GADL1: variants seen among roughly 807,000 people sequenced by gnomAD.
GADL1 encodes acidic amino acid decarboxylase GADL1.
GADL1 carries 71 observed loss-of-function variants against 69.5 expected under a neutral mutation model. That is an observed-to-expected ratio of 1.02 (90% CI 0.84 to 1.25). The LOEUF (loss-of-function observed/expected upper bound fraction) is 1.25. GADL1 is among the 50% of genes most tolerant of loss of function. The probability of loss-of-function intolerance (pLI) is 0.00; values close to 1 mark genes in which losing one functional copy is unlikely to be tolerated. For missense variants in GADL1, 737 were observed against 631.8 expected, an observed-to-expected ratio of 1.17 and a Z score of -1.79; for synonymous variants, 254 against 214.4, an observed-to-expected ratio of 1.18 and a Z score of -1.62.
intron 14 of GADL1, among the ~76,000 whole-genome samples, chr3:30,762,724 A>G (rs925241924): frequency 6.6e-6 from 1 of 152,104 alleles, no homozygotes; most frequent in African/African-American, 2.4e-5. Flanking sequence ...TTTTGGATCC[A>G]TTAACCATGC....
Position 30,833,899 on chromosome 3 carries a change from A to G in GADL1, c.1004T>C (p.Leu335Pro), listed in dbSNP as rs747604382. Residue 335 changes from leucine to proline, a missense_variant, in exon 11 of 15, where the codon CTG becomes CCG. Physicochemically the swap from Leu to Pro is moderately conservative, Grantham distance 98. Coordinates refer to ENST00000282538, the MANE Select transcript of GADL1 (RefSeq NM_207359.3). ...AGCACAGCACTGGATCCCAGCCATC[A>G]GCATCTTGTGTGGGTTCCAGGCCAC... ...DSVAWNPHKMLMAGIQCCALL... is the reference protein window; with the variant it reads ...DSVAWNPHKMPMAGIQCCALL... 7 of 1,612,938 alleles carry G rather than the reference A, an allele frequency of 4.3e-6. No individual in the cohort carries two copies. The South Asian group carries it at 7.7e-5, about 18-fold the overall frequency.
intron 14 of GADL1, among the ~76,000 whole-genome samples, chr3:30,758,452 A>G (rs527982757): frequency 3.3e-5 from 5 of 152,282 alleles, no homozygotes; most frequent in African/African-American, 7.2e-5. Context: ...AAGAACCACA[A>G]TGATTGTGCT....
In GADL1 at chr3:30,838,988, T is replaced by C. The variant is rs1168018870; in HGVS notation, c.903+9A>G. 2.0e-6 allele frequency: 3 copies of C among 1,529,814 alleles called. No homozygotes were observed. Among genetic ancestry groups the C allele is most frequent in the Non-Finnish European group, 2.7e-6 (3 of 1,115,692 alleles). The allele number at this position is 1,529,814 out of a possible 1,614,324, so 94.8% of individuals were successfully genotyped here. ...GGTTAAACAGGTATGTACACATAAA[T>C]GAACTTACATCTACATGAAGCCAGA... On this transcript the variant is annotated intron_variant, in intron 9 of 14. Transcript: ENST00000282538.
chr3:30,866,384 G>A (rs114052840), intron 1 of GADL1, among the ~76,000 whole-genome samples: 11 of 152,140 alleles, frequency 7.2e-5, no homozygotes, highest in African/African-American at 2.6e-4. Context: ...AGTTGAACCT[G>A]GGAGGAGAAG....
chr3:30,748,660 C>T lies in GADL1; in HGVS notation c.1393-20245G>A, dbSNP rs367625642. On this transcript the variant is annotated intron_variant, in intron 14 of 14. Coordinates refer to ENST00000282538, the MANE Select transcript of GADL1 (RefSeq NM_207359.3). Reference sequence around the variant, plus strand: ...TTTTCTGGAACTCAATAGCTTTTATCGTCAGAAAATCGGTACCAACAGCAC... The same window carrying T: ...TTTTCTGGAACTCAATAGCTTTTATTGTCAGAAAATCGGTACCAACAGCAC... 4.1e-4 allele frequency among the ~76,000 whole-genome samples: 62 copies of T among 152,288 alleles called. 2 individuals carry two copies. The East Asian group carries it at 5.4e-3, about 13-fold the overall frequency.
chr3:30,871,114 G>A (rs1308028998), intron 1 of GADL1, among the ~76,000 whole-genome samples: 1 of 150,388 alleles, frequency 6.6e-6, no homozygotes, highest in African/African-American at 2.4e-5. Context: ...TTGTCCAAGG[G>A]GCAGGGTCTG....
chr3:30,757,068 C>A (rs1287355755), intron 14 of GADL1, among the ~76,000 whole-genome samples: 3 of 152,126 alleles, frequency 2.0e-5, no homozygotes, highest in African/African-American at 4.8e-5. Flanking sequence ...GTGGTAGTCA[C>A]AACTTCTGGC....
intron 14 of GADL1, among the ~76,000 whole-genome samples, chr3:30,761,502 ATT>A (rs969817214): frequency 2.0e-5 from 3 of 152,116 alleles, no homozygotes; most frequent in African/African-American, 7.2e-5. Context: ...TGCATGGTAT[ATT>A]TTAGCTCCTA....
chr3:30,749,438 A>G (rs9310941), intron 14 of GADL1, among the ~76,000 whole-genome samples: 69,973 of 152,058 alleles, frequency 0.46, 17,184 homozygotes, highest in African/African-American at 0.63. Flanking sequence ...TATTGTTTGA[A>G]CAATGACTAA....
At chr3:30,783,843 C>A (rs1041692207) in intron 13 of GADL1, among the ~76,000 whole-genome samples, 2 of 152,076 alleles carry the variant, frequency 1.3e-5, no homozygotes, top group African/African-American at 4.8e-5. Flanking sequence ...TTCCTAATGA[C>A]GATGGTAAGT....
At position 30,829,739 on chromosome 3, in the gene GADL1, T is replaced by C. The variant is rs779807796; in HGVS notation, c.1050+4114A>G. Among the ~76,000 whole-genome samples the C allele has an allele frequency of 1.1e-4, 17 of 152,034 alleles. No individual in the cohort carries two copies. The East Asian group carries it at 2.3e-3, about 21-fold the overall frequency. On this transcript the variant is annotated intron_variant, in intron 11 of 14. Coordinates refer to ENST00000282538, the MANE Select transcript of GADL1 (RefSeq NM_207359.3). Reference sequence around the variant, plus strand: ...TAAATAGATATTAGTGGGTTTTTTTTCCCCTTTTTAGTGAATACTTGCTAG... The same window carrying C: ...TAAATAGATATTAGTGGGTTTTTTTCCCCCTTTTTAGTGAATACTTGCTAG...
chr3:30,797,028 C>T (rs1018820025), intron 12 of GADL1, among the ~76,000 whole-genome samples: 2 of 152,134 alleles, frequency 1.3e-5, no homozygotes, highest in African/African-American at 2.4e-5. Context: ...TTGGGTTTAG[C>T]CATATGATTT....
At chr3:30,885,776 T>A (rs988982232) in intron 1 of GADL1, among the ~76,000 whole-genome samples, 1 of 151,864 alleles carries the variant, frequency 6.6e-6, no homozygotes, top group Admixed American at 6.6e-5. Flanking sequence ...AAATTTTATA[T>A]ATTTACTTTT....
At chr3:30,812,038 G>GT (rs1442084982) in intron 11 of GADL1, among the ~76,000 whole-genome samples, 1 of 152,152 alleles carries the variant, frequency 6.6e-6, no homozygotes, top group Admixed American at 6.5e-5. Flanking sequence ...GAAGTGTTGA[G>GT]TTTTTCTGAT....
At chr3:30,749,624 G>A (rs900804000) in intron 14 of GADL1, among the ~76,000 whole-genome samples, 2 of 152,190 alleles carry the variant, frequency 1.3e-5, no homozygotes, top group Non-Finnish European at 2.9e-5. Context: ...CCCTGATTTT[G>A]TGTGTCTGTG....
intron 1 of GADL1, among the ~76,000 whole-genome samples, chr3:30,873,323 T>C (rs1280568829): frequency 6.6e-6 from 1 of 151,978 alleles, no homozygotes; most frequent in African/African-American, 2.4e-5. Context: ...ATAACTGCCT[T>C]ATGATGAAGA....
chr3:30,800,678 T>C, intron 12 of GADL1: 1 of 575,180 alleles, frequency 1.7e-6, no homozygotes, highest in Non-Finnish European at 3.1e-6. Flanking sequence ...GCTCTGTTCA[T>C]AATTCCTAAC....
At position 30,727,134 on chromosome 3, in the gene GADL1, T is replaced by TATATACTATACACAC. The variant is rs1401792221; in HGVS notation, c.*1107_*1108insGTGTGTATAGTATAT. 6.2e-4 allele frequency: 94 copies of TATATACTATACACAC among 150,578 alleles called. No individual in the cohort carries two copies. The highest frequency in any genetic ancestry group is 2.2e-3 in the African/African-American group (89 of 41,078). 9.3% of individuals were successfully genotyped at this position (150,578 alleles called of 1,614,324 possible). A position where few individuals can be genotyped will look rare whatever the true frequency, so the allele number is the denominator to read the frequency against. ...ACATATGTATGTGTGTGTATATATA[T>TATATACTATACACAC]ACATATATATGTATATATGTATATC... On this transcript the variant is annotated 3_prime_UTR_variant, in exon 15 of 15. Coordinates refer to ENST00000282538, the MANE Select transcript of GADL1 (RefSeq NM_207359.3).
chr3:30,790,878 A>T (rs1020583709), intron 12 of GADL1, among the ~76,000 whole-genome samples: 8 of 152,176 alleles, frequency 5.3e-5, no homozygotes, highest in Non-Finnish European at 1.2e-4. Context: ...ACATAATGTA[A>T]TATGCAGCTA....
Sources: gnomAD v4.1 joint callset for allele counts (sites outside exome capture counted in the v4.1 genomes callset) on GRCh38, gnomAD v4.1.1 for gene constraint, MANE v1.5 for transcripts, NCBI Gene and HGNC (gene_info 2026-07-23, HGNC 2026-07-21) for gene names.